Variants in NAV1 observed in about 807,000 individuals in gnomAD.
The protein encoded by NAV1 is neuron navigator 1.
NAV1 carries 18 observed loss-of-function variants against 175.2 expected under a neutral mutation model. The observed-to-expected ratio is 0.10, with a 90% CI of 0.07 to 0.15. The LOEUF (loss-of-function observed/expected upper bound fraction) is 0.15, where lower values mean the gene tolerates loss of function less well. Among genes scored for constraint, NAV1 ranks in the 10% least tolerant of loss-of-function variants. The pLI is 1.00. For missense variants in NAV1, 1,731 were observed against 2,436.6 expected (o/e 0.71, Z 6.10); for synonymous variants, 897 against 978.7 (o/e 0.92, Z 1.56).
At position 201,812,212 on chromosome 1, in the gene NAV1, G is replaced by A. The variant is rs1372818966; in HGVS notation, c.5024+238G>A. On this transcript the variant is annotated intron_variant, in intron 26 of 29. Transcript: ENST00000367296. The surrounding 1 kb of genome is among the most constrained non-coding windows in gnomAD (Gnocchi z 4.6). ...GGTAGGTTGCTCTAAGCAGAATTAG[G>A]ATTCTCTGCCCGCACACGCTGATCT... 6.6e-6 allele frequency among the ~76,000 whole-genome samples: 1 copy of A among 152,220 alleles called. No homozygotes were observed. Among genetic ancestry groups the A allele is most frequent in the Non-Finnish European group, 1.5e-5 (1 of 68,038 alleles).
chr1:201,641,963 C>T (rs943731357), intron 2 of NAV1, among the ~76,000 whole-genome samples: 4 of 151,014 alleles, frequency 2.6e-5, no homozygotes, highest in South Asian at 2.1e-4. Context: ...TCCCTTCCTT[C>T]CTTTCTCTCT....
chr1:201,789,624 G>A lies in NAV1; in HGVS notation c.3167-116G>A, dbSNP rs1024327871. 9 of 950,226 alleles carry A rather than the reference G, an allele frequency of 9.5e-6. No individual in the cohort carries two copies. The African/African-American group carries it at 1.5e-4, about 15-fold the overall frequency. The allele number at this position is 950,226 out of a possible 1,614,324, so 58.9% of individuals were successfully genotyped here. On this transcript the variant is annotated intron_variant, in intron 10 of 29. Transcript: ENST00000367296. ...CTGGGTTCCCTACTCTGTTCTTTCTGTTTGCTCCAGATGCCCTCCAGAATC... is the reference window on the plus strand; with the variant it reads ...CTGGGTTCCCTACTCTGTTCTTTCTATTTGCTCCAGATGCCCTCCAGAATC...
chr1:201,620,428 C>T (rs558202804), upstream of NAV1, among the ~76,000 whole-genome samples: 1 of 150,048 alleles, frequency 6.7e-6, no homozygotes, highest in Admixed American at 6.6e-5. Context: ...ATTGTTCCCA[C>T]AGCAGTGTAT....
chr1:201,755,270 C>A (rs1196297037), intron 3 of NAV1, among the ~76,000 whole-genome samples: 1 of 151,980 alleles, frequency 6.6e-6, no homozygotes, highest in Admixed American at 6.6e-5. Flanking sequence ...TTGAGGCCCC[C>A]CCTCTACAAA....
chr1:201,790,330 T>G (rs1677031256), intron 11 of NAV1, among the ~76,000 whole-genome samples: 1 of 152,244 alleles, frequency 6.6e-6, no homozygotes, highest in African/African-American at 2.4e-5. Context: ...TGACAAAGTT[T>G]GCTGGAGATG....
intron 4 of NAV1, 122 bp downstream of exon 8, chr1:201,780,681 T>G: frequency 7.6e-7 from 1 of 1,319,042 alleles, no homozygotes; most frequent in Non-Finnish European, 1.0e-6. Context: ...CATAGGCCTT[T>G]GGCCAGGTCA....
chr1:201,663,196 T>C (rs917648549), intron 1 of NAV1, among the ~76,000 whole-genome samples: 1 of 152,194 alleles, frequency 6.6e-6, no homozygotes, highest in African/African-American at 2.4e-5. Flanking sequence ...AAGAAAACAT[T>C]CTCCAGAAGT....
intron 1 of NAV1, among the ~76,000 whole-genome samples, chr1:201,548,098 G>A (rs542301722): frequency 3.0e-4 from 46 of 152,328 alleles, no homozygotes; most frequent in African/African-American, 7.7e-4. Context: ...AGCCCACTAG[G>A]TCTTATGAGG....
chr1:201,816,276 T>C (rs1009547630), intron 28 of NAV1, among the ~76,000 whole-genome samples: 2 of 151,942 alleles, frequency 1.3e-5, no homozygotes, highest in African/African-American at 4.8e-5. Context: ...GAGGCTGAAG[T>C]AGGAGAATAA....
intron 1 of NAV1, among the ~76,000 whole-genome samples, chr1:201,567,162 A>C (rs1003468): frequency 0.23 from 34,983 of 151,640 alleles, 4,757 homozygotes; most frequent in African/African-American, 0.36. Flanking sequence ...CAGTATCACA[A>C]CCTCCCCACA....
chr1:201,816,843 T>C, intron 28 of NAV1: 1 of 481,018 alleles, frequency 2.1e-6, no homozygotes, highest in Non-Finnish European at 3.7e-6. Flanking sequence ...TTTTTTTTCT[T>C]TTTTCTTTTT....
intron 8 of NAV1, among the ~76,000 whole-genome samples, chr1:201,785,612 C>G (rs1287089843): frequency 6.6e-6 from 1 of 152,062 alleles, no homozygotes; most frequent in Non-Finnish European, 1.5e-5. Flanking sequence ...CTTACCTGTA[C>G]TAGCCTATGC....
intron 1 of NAV1, among the ~76,000 whole-genome samples, chr1:201,555,029 C>T (rs1396548988): frequency 1.3e-5 from 2 of 152,140 alleles, no homozygotes; most frequent in African/African-American, 4.8e-5. Context: ...CCTTCACATC[C>T]TCTTCCCTCT....
intron 3 of NAV1, among the ~76,000 whole-genome samples, chr1:201,763,308 C>T (rs1189731495): frequency 6.6e-6 from 1 of 152,202 alleles, no homozygotes; most frequent in Non-Finnish European, 1.5e-5. Flanking sequence ...AGTACATACT[C>T]AGTACTCCAG....
intron 2 of NAV1, among the ~76,000 whole-genome samples, chr1:201,716,142 A>G (rs1379886219): frequency 6.6e-6 from 1 of 152,184 alleles, no homozygotes; most frequent in African/African-American, 2.4e-5. Context: ...CCACACTAGT[A>G]TATAACCATG....
chr1:201,789,373 G>A (rs1676964299), intron 10 of NAV1, among the ~76,000 whole-genome samples: 1 of 152,172 alleles, frequency 6.6e-6, no homozygotes, highest in Non-Finnish European at 1.5e-5. Flanking sequence ...TATTTGTTCT[G>A]AGCAACTCTG....
At chr1:201,707,151 A>G (rs1289938507) in intron 1 of NAV1, among the ~76,000 whole-genome samples, 2 of 152,210 alleles carry the variant, frequency 1.3e-5, no homozygotes, top group Non-Finnish European at 2.9e-5. Flanking sequence ...AACTCCAGGT[A>G]TGAGTGAGGG....
chr1:201,678,821 A>G (rs756352317), intron 1 of NAV1, among the ~76,000 whole-genome samples: 1 of 152,050 alleles, frequency 6.6e-6, no homozygotes, highest in African/African-American at 2.4e-5. Context: ...ACCCAAACTC[A>G]ACAGCATCAG....
At chr1:201,553,561 C>T (rs1397979309) in intron 1 of NAV1, among the ~76,000 whole-genome samples, 1 of 152,216 alleles carries the variant, frequency 6.6e-6, no homozygotes, top group African/African-American at 2.4e-5. Flanking sequence ...CAGTGAAACA[C>T]ACAGATCGAT....
Sources: allele counts gnomAD v4.1 joint callset (sites outside exome capture counted in the v4.1 genomes callset), GRCh38; gene constraint gnomAD v4.1.1; non-coding constraint Gnocchi (gnomAD v3.1); transcripts MANE v1.5; gene names NCBI Gene and HGNC (gene_info 2026-07-23, HGNC 2026-07-21).